The following TIAM1 variants were observed in gnomAD, a reference collection of about 807,000 sequenced individuals.
TIAM1 encodes rho guanine nucleotide exchange factor TIAM1.
In TIAM1, 65 loss-of-function variants were observed where a neutral mutation model predicts 163.5. The ratio of observed to expected loss-of-function variants is 0.40; its 90% CI spans 0.33 to 0.49. The LOEUF is 0.49. Among genes scored for constraint, TIAM1 ranks in the 20% least tolerant of loss-of-function variants. The pLI is 0.77. For synonymous variants in TIAM1, 833 were observed against 810.1 expected, an observed-to-expected ratio of 1.03 and a Z score of -0.48; for missense variants, 1,789 against 2,044.7, an observed-to-expected ratio of 0.87 and a Z score of 2.41.
intron 1 of TIAM1, among the ~76,000 whole-genome samples, chr21:31,496,035 A>T (rs1178380905): frequency 6.6e-6 from 1 of 152,036 alleles, no homozygotes; most frequent in Non-Finnish European, 1.5e-5. Flanking sequence ...CAAGGACAAG[A>T]CGTGGAGGTG....
At chr21:31,477,739 G>C (rs184456435) in intron 1 of TIAM1, among the ~76,000 whole-genome samples, 167 of 152,252 alleles carry the variant, frequency 1.1e-3, no homozygotes, top group East Asian at 0.011. Context: ...AGGAACCCCA[G>C]AGGACATCCT....
chr21:31,443,094 C>T (rs1390965306), intron 2 of TIAM1, among the ~76,000 whole-genome samples: 2 of 152,170 alleles, frequency 1.3e-5, no homozygotes, highest in Non-Finnish European at 2.9e-5. Context: ...GAAGTAGAAA[C>T]CTTGGACTGT....
At chr21:31,509,770 T>C (rs1020135575) in intron 1 of TIAM1, among the ~76,000 whole-genome samples, 5 of 152,044 alleles carry the variant, frequency 3.3e-5, no homozygotes, top group African/African-American at 4.8e-5. Flanking sequence ...GGGCTGCATG[T>C]TTCTCTCTCA....
At chr21:31,455,151 C>T (rs972135433) in intron 2 of TIAM1, among the ~76,000 whole-genome samples, 4 of 151,822 alleles carry the variant, frequency 2.6e-5, no homozygotes, top group African/African-American at 9.7e-5. Context: ...TGGTGGCACA[C>T]GCCTGTAATC....
intron 10 of TIAM1, among the ~76,000 whole-genome samples, chr21:31,210,691 AAGAAAGAAAGAAAGAG>A (rs2086783176): frequency 1.2e-5 from 1 of 82,626 alleles, no homozygotes; most frequent in Non-Finnish European, 2.3e-5. Flanking sequence ...AAGAAAAAGA[AAGAAAGAAAGAAAGAG>A]AAAGAAAGAG....
intron 1 of TIAM1, among the ~76,000 whole-genome samples, chr21:31,557,564 T>A (rs146178816): frequency 6.6e-6 from 1 of 152,026 alleles, no homozygotes; most frequent in Non-Finnish European, 1.5e-5. Context: ...AACCCGGGTT[T>A]GTTTGACCTC....
intron 1 of TIAM1, among the ~76,000 whole-genome samples, chr21:31,477,199 G>C (rs912170189): frequency 6.6e-6 from 1 of 152,170 alleles, no homozygotes; most frequent in Non-Finnish European, 1.5e-5. Flanking sequence ...GGTTTCCACA[G>C]TCTGTGAAAT....
At chr21:31,438,580 TACC>T (rs1185251498) in intron 2 of TIAM1, among the ~76,000 whole-genome samples, 1 of 152,166 alleles carries the variant, frequency 6.6e-6, no homozygotes, top group East Asian at 1.9e-4. Flanking sequence ...TGCACAAACG[TACC>T]ATCAGCTCAC....
At position 31,435,074 on chromosome 21, in the gene TIAM1, C is replaced by T. The variant is rs544581498; in HGVS notation, c.-369+28909G>A. Reference sequence around the variant, plus strand: ...ACTGAGCAGATTCTTGGCTTCCTTCCCTAAGAGTGATCCCCAACATTCTTG... The same window carrying T: ...ACTGAGCAGATTCTTGGCTTCCTTCTCTAAGAGTGATCCCCAACATTCTTG... On this transcript the variant is annotated intron_variant, in intron 2 of 28. Coordinates refer to the TIAM1 transcript ENST00000286827. Among the ~76,000 whole-genome samples the T allele has an allele frequency of 3.3e-5, 5 of 152,292 alleles. No individual in the cohort carries two copies. The East Asian group carries it at 9.6e-4, about 29-fold the overall frequency.
intron 6 of TIAM1, among the ~76,000 whole-genome samples, chr21:31,240,215 T>C (rs1381628281): frequency 2.6e-5 from 4 of 151,706 alleles, no homozygotes; most frequent in African/African-American, 9.7e-5. Flanking sequence ...TCAATGGGGG[T>C]TGGGGTGGGG....
At chr21:31,533,739 A>T (rs1254928226) in intron 1 of TIAM1, among the ~76,000 whole-genome samples, 1 of 152,174 alleles carries the variant, frequency 6.6e-6, no homozygotes, top group African/African-American at 2.4e-5. Flanking sequence ...CTCTAAAAAA[A>T]TAAAATAAAA....
chr21:31,146,403 C>CA (rs10542614), intron 20 of TIAM1, among the ~76,000 whole-genome samples: 6,064 of 89,834 alleles, frequency 0.068, 256 homozygotes, highest in East Asian at 0.14. Flanking sequence ...GGCTCTGTGT[C>CA]AAAAAAAAAA....
chr21:31,360,700 A>C (rs748820912), intron 2 of TIAM1, among the ~76,000 whole-genome samples: 11 of 152,262 alleles, frequency 7.2e-5, no homozygotes, highest in Non-Finnish European at 1.2e-4. Flanking sequence ...ACAACTGTAC[A>C]AATCAATAAG....
chr21:31,377,958 G>C (rs1245100476), intron 2 of TIAM1, among the ~76,000 whole-genome samples: 3 of 151,762 alleles, frequency 2.0e-5, no homozygotes, highest in South Asian at 2.1e-4. Context: ...CCAACATGAA[G>C]AAACCCCGTC....
At chr21:31,206,295 GATC>G (rs1289231980) in intron 11 of TIAM1, among the ~76,000 whole-genome samples, 2 of 152,156 alleles carry the variant, frequency 1.3e-5, no homozygotes, top group South Asian at 4.1e-4. Context: ...AATTAAATCA[GATC>G]ATCAGAACGA....
At chr21:31,400,128 T>C (rs1343750267) in intron 2 of TIAM1, among the ~76,000 whole-genome samples, 3 of 151,924 alleles carry the variant, frequency 2.0e-5, no homozygotes, top group African/African-American at 7.3e-5. Context: ...CTCTTTTTTT[T>C]TTTCCTTTTC....
chr21:31,188,015 C>T (rs1163340773), intron 13 of TIAM1, among the ~76,000 whole-genome samples: 2 of 151,798 alleles, frequency 1.3e-5, no homozygotes, highest in African/African-American at 2.4e-5. Context: ...TATAGATACC[C>T]ATCGTAATGC....
chr21:31,230,853 G>A (rs1408225606), intron 6 of TIAM1, among the ~76,000 whole-genome samples: 2 of 152,014 alleles, frequency 1.3e-5, no homozygotes, highest in African/African-American at 4.8e-5. Flanking sequence ...ATTTTTAGTA[G>A]AGAGGGGTTT....
At chr21:31,245,420 C>A in intron 6 of TIAM1, 68 bp downstream of exon 6, 2 of 1,088,472 alleles carry the variant, frequency 1.8e-6, no homozygotes, top group Non-Finnish European at 2.4e-6. Flanking sequence ...GACTGGGTGC[C>A]TAGGCAAGAA....
Sources: gnomAD v4.1 joint callset for allele counts (sites outside exome capture counted in the v4.1 genomes callset) on GRCh38, gnomAD v4.1.1 for gene constraint, MANE v1.5 for transcripts, NCBI Gene and HGNC (gene_info 2026-07-23, HGNC 2026-07-21) for gene names.